AAMDC: variants seen among roughly 807,000 people sequenced by gnomAD.
AAMDC encodes the protein mth938 domain-containing protein.
A neutral mutation model predicts 15.5 loss-of-function variants in AAMDC; 16 were observed. The observed-to-expected ratio is 1.03, with a 90% CI of 0.70 to 1.57. The LOEUF (loss-of-function observed/expected upper bound fraction) is 1.57. Ranked by LOEUF, AAMDC falls within the 40% of genes most tolerant of loss-of-function variation. The pLI, the probability that AAMDC is intolerant of heterozygous loss-of-function variation, is 0.00. For missense variants in AAMDC, 141 were observed against 144.9 expected, an observed-to-expected ratio of 0.97 and a Z score of 0.14; for synonymous variants, 51 against 51.6, an observed-to-expected ratio of 0.99 and a Z score of 0.05.
chr11:77,821,206 G>A lies in AAMDC; in HGVS notation c.-54G>A. On this transcript the variant is annotated 5_prime_UTR_variant, in exon 1 of 4. Coordinates refer to ENST00000393427, the MANE Select transcript of AAMDC (RefSeq NM_024684.4). ...GTAAGTGCGGGCAGAGCACTGCGCC[G>A]TTTGGGAACGCAACTTTGAGGAGAC... 3.2e-6 allele frequency: 1 copy of A among 308,054 alleles called. No individual in the cohort carries two copies. 19.1% of individuals were successfully genotyped at this position (308,054 alleles called of 1,614,324 possible).
At chr11:77,825,925 CAG>C (rs1414958611) in intron 1 of AAMDC, among the ~76,000 whole-genome samples, 1 of 152,084 alleles carries the variant, frequency 6.6e-6, no homozygotes, top group East Asian at 1.9e-4. Flanking sequence ...CTCCTGACCT[CAG>C]ATGATCTGCT....
chr11:77,882,327 G>A (rs1237232781), intron 5 of AAMDC, among the ~76,000 whole-genome samples: 2 of 152,180 alleles, frequency 1.3e-5, no homozygotes, highest in African/African-American at 2.4e-5. Context: ...AAAGAACCTT[G>A]AGCTTGGGGG....
At chr11:77,887,859 C>A (rs978849992) in intron 5 of AAMDC, among the ~76,000 whole-genome samples, 19 of 152,324 alleles carry the variant, frequency 1.2e-4, no homozygotes, top group South Asian at 1.0e-3. Flanking sequence ...AGGAATCCAA[C>A]TTACAAGAGA....
At chr11:77,877,087 CA>C (rs1254748810), downstream of AAMDC, 13 of 701,404 alleles carry the variant, frequency 1.9e-5, no homozygotes, top group Non-Finnish European at 2.6e-5. Context: ...TGGAGTTAAT[CA>C]TTCTTCCCCT....
Position 77,892,136 on chromosome 11 carries a change from T to C in AAMDC, c.329-8435T>C, listed in dbSNP as rs1485570762. 2.6e-5 allele frequency among the ~76,000 whole-genome samples: 4 copies of C among 152,218 alleles called. No individual in the cohort carries two copies. In the South Asian group the frequency reaches 6.2e-4, roughly 24 times the overall value. On this transcript the variant is annotated intron_variant, in intron 5 of 5. Transcript: ENST00000304716. ...CATTAGAATTTTTATTTTCGTATTA[T>C]AGATTCATTAATTATTTTAACAAAT...
At chr11:77,879,201 A>G in intron 5 of AAMDC, 2 of 1,517,410 alleles carry the variant, frequency 1.3e-6, no homozygotes, top group Non-Finnish European at 1.8e-6. Context: ...GAAGTTAAAG[A>G]AATATCAAAA....
intron 2 of AAMDC, chr11:77,868,700 T>TG (rs1242098687): frequency 3.6e-4 from 67 of 185,516 alleles, no homozygotes; most frequent in Admixed American, 1.1e-3. Flanking sequence ...TTGTTGTTGT[T>TG]TTTTAACACA....
At chr11:77,858,345 T>C (rs976649805) in intron 2 of AAMDC, among the ~76,000 whole-genome samples, 1 of 141,374 alleles carries the variant, frequency 7.1e-6, no homozygotes, top group African/African-American at 2.7e-5. Context: ...CAAGGTTTAA[T>C]AGAGTGAAAA....
At chr11:77,897,671 TTTTTTTTTTA>T (rs1952588072) in intron 5 of AAMDC, among the ~76,000 whole-genome samples, 1 of 151,104 alleles carries the variant, frequency 6.6e-6, no homozygotes, top group Non-Finnish European at 1.5e-5. Context: ...CGGCTAATTT[TTTTTTTTTTA>T]TTTTTAGTAG....
In AAMDC at chr11:77,842,513, T is replaced by A; in HGVS notation, c.17T>A (p.Ile6Asn). The change falls in exon 2 of 4, where the codon ATT (isoleucine) becomes AAT (asparagine). Residue 6 changes from isoleucine to asparagine, a missense_variant. Transcript: ENST00000393427. MTSPE[I>N]ASLSWGQMKV... is the part of the protein sequence containing the mutation. ...AAGTTCCTTATGACTTCCCCTGAAA[T>A]TGCTTCCTTATCATGGGGGCAAATG... 6.2e-7 allele frequency: 1 copy of A among 1,613,894 alleles called. No individual in the cohort carries two copies. Among genetic ancestry groups the A allele is most frequent in the Non-Finnish European group, 8.5e-7 (1 of 1,179,960 alleles).
chr11:77,864,458 AAAAG>A (rs1488898772), intron 2 of AAMDC, among the ~76,000 whole-genome samples: 1 of 152,034 alleles, frequency 6.6e-6, no homozygotes, highest in African/African-American at 2.4e-5. Flanking sequence ...AAAAATAAAA[AAAAG>A]AACATAGTGG....
At position 77,840,267 on chromosome 11, in the gene AAMDC, G is replaced by A. The variant is rs565066271; in HGVS notation, c.-18-2212G>A. On this transcript the variant is annotated intron_variant, in intron 1 of 3. Coordinates refer to ENST00000393427, the MANE Select transcript of AAMDC (RefSeq NM_024684.4). Reference sequence around the variant, plus strand: ...TTAAAAGTATCTTTAAGTGGCTCACGCCTGTAATCCCAGCACTTTGGGAGG... The same window carrying A: ...TTAAAAGTATCTTTAAGTGGCTCACACCTGTAATCCCAGCACTTTGGGAGG... Among the ~76,000 whole-genome samples, 137 of 152,258 alleles carry A rather than the reference G, an allele frequency of 9.0e-4. 1 individual carries two copies. Among genetic ancestry groups the A allele is most frequent in the African/African-American group, 3.1e-3 (128 of 41,552 alleles).
chr11:77,855,191 C>A (rs1447362575), intron 2 of AAMDC, among the ~76,000 whole-genome samples: 2 of 152,232 alleles, frequency 1.3e-5, no homozygotes, highest in African/African-American at 2.4e-5. Context: ...ATGGGAGGAG[C>A]TACTGTGAAG....
intron 2 of AAMDC, among the ~76,000 whole-genome samples, chr11:77,863,989 C>T (rs1195931359): frequency 6.6e-6 from 1 of 151,224 alleles, no homozygotes; most frequent in Admixed American, 6.6e-5. Context: ...TTCAGTGGCG[C>T]GATCCTGGCT....
chr11:77,822,414 C>CAAAAAA (rs66463325), intron 1 of AAMDC, among the ~76,000 whole-genome samples: 10 of 74,742 alleles, frequency 1.3e-4, no homozygotes, highest in East Asian at 3.6e-4. Context: ...GACTCCACCT[C>CAAAAAA]AAAAAAAAAA....
chr11:77,870,451 C>G (rs1440989220), intron 3 of AAMDC, among the ~76,000 whole-genome samples: 1 of 145,826 alleles, frequency 6.9e-6, no homozygotes, highest in African/African-American at 2.6e-5. Flanking sequence ...ATTCTCCTGT[C>G]TCAGCCTCCC....
chr11:77,870,370 T>C (rs2032415), intron 3 of AAMDC, among the ~76,000 whole-genome samples: 2 of 143,572 alleles, frequency 1.4e-5, no homozygotes, highest in African/African-American at 2.6e-5. Flanking sequence ...CGGAGTCTTG[T>C]TCTGTCGCCC....
intron 1 of AAMDC, among the ~76,000 whole-genome samples, chr11:77,835,620 G>T (rs944457695): frequency 6.6e-6 from 1 of 152,108 alleles, no homozygotes; most frequent in Non-Finnish European, 1.5e-5. Context: ...TTTAATAGTT[G>T]TTGAGTCTAA....
chr11:77,891,307 A>C, intron 5 of AAMDC: 1 of 1,608,510 alleles, frequency 6.2e-7, no homozygotes, highest in East Asian at 2.2e-5. Context: ...TGAGGACCCA[A>C]ACCCGACAGA....
Sources: allele counts gnomAD v4.1 joint callset (sites outside exome capture counted in the v4.1 genomes callset), GRCh38; gene constraint gnomAD v4.1.1; transcripts MANE v1.5; gene names NCBI Gene and HGNC (gene_info 2026-07-23, HGNC 2026-07-21).